The following HOPX variants were observed in gnomAD, a reference collection of about 807,000 sequenced individuals.
The protein encoded by HOPX is HOP homeobox.
A neutral mutation model predicts 11.8 loss-of-function variants in HOPX; 5 were observed. The ratio of observed to expected loss-of-function variants is 0.43; its 90% confidence interval spans 0.22 to 0.89. HOPX has a LOEUF of 0.89. Ranked by LOEUF, HOPX falls within the 40% of genes least tolerant of loss-of-function variation. The pLI, the probability that HOPX is intolerant of heterozygous loss-of-function variation, is 0.28. For missense variants in HOPX, 119 were observed against 120.0 expected, an observed-to-expected ratio of 0.99 and a Z score of 0.04; for synonymous variants, 49 against 49.7, an observed-to-expected ratio of 0.99 and a Z score of 0.06.
chr4:56,672,006 A>G (rs1436929284), intron 1 of HOPX, among the ~76,000 whole-genome samples: 1 of 152,096 alleles, frequency 6.6e-6, no homozygotes, highest in African/African-American at 2.4e-5. Context: ...TCAACACTAC[A>G]TAAATACAAG....
chr4:56,677,073 G>A (rs1450515943), intron 1 of HOPX, among the ~76,000 whole-genome samples: 1 of 151,802 alleles, frequency 6.6e-6, no homozygotes, highest in African/African-American at 2.4e-5. Flanking sequence ...TGAGAAAGAA[G>A]CAGGTAATAT....
intron 1 of HOPX, 116 bp from the exon 2 acceptor site, chr4:56,658,015 G>A (rs1717875696): frequency 1.2e-6 from 1 of 858,734 alleles, no homozygotes; most frequent in East Asian, 2.7e-5. Flanking sequence ...TTGCCCACGG[G>A]AACCACCCAC....
chr4:56,677,126 A>G lies in HOPX; in HGVS notation c.-84+4129T>C, dbSNP rs1026989644. 4.6e-5 allele frequency among the ~76,000 whole-genome samples: 7 copies of G among 151,868 alleles called. No homozygotes were observed. In the East Asian group the frequency reaches 1.3e-3, roughly 29 times the overall value. ...CAGAATTTCTTGACATTTTGTCTCCATTATAGTAACCTTAAGGTGGCTCTC... is the reference window on the plus strand; with the variant it reads ...CAGAATTTCTTGACATTTTGTCTCCGTTATAGTAACCTTAAGGTGGCTCTC... On this transcript the variant is annotated intron_variant, in intron 1 of 3. Transcript: ENST00000420433.
intron 1 of HOPX, among the ~76,000 whole-genome samples, chr4:56,671,893 C>A (rs1281413319): frequency 6.6e-6 from 1 of 152,050 alleles, no homozygotes; most frequent in African/African-American, 2.4e-5. Flanking sequence ...TTTAGACGTC[C>A]ATTTCATCAT....
chr4:56,661,420 T>C (rs6830271), intron 1 of HOPX, among the ~76,000 whole-genome samples: 30,685 of 152,180 alleles, frequency 0.2, 3,621 homozygotes, highest in Middle Eastern at 0.29. Flanking sequence ...AACACTCTTG[T>C]ATATGCCTTC....
chr4:56,665,805 A>G (rs771189949), intron 1 of HOPX: 1 of 152,108 alleles, frequency 6.6e-6, no homozygotes, highest in Admixed American at 6.6e-5. Context: ...GGAGATGGAT[A>G]TTACTTCCTC....
intron 1 of HOPX, among the ~76,000 whole-genome samples, chr4:56,671,450 A>G: frequency 6.6e-6 from 1 of 152,218 alleles, no homozygotes; most frequent in East Asian, 1.9e-4. Flanking sequence ...TATTATTTTT[A>G]TGGTCCAACT....
At chr4:56,659,231 G>A (rs1717959628) in intron 1 of HOPX, 1 of 152,224 alleles carries the variant, frequency 6.6e-6, no homozygotes, top group South Asian at 2.1e-4. Context: ...CCTGTGGTGA[G>A]CTGGCCAAAA....
At chr4:56,681,348 T>G (rs1483396713), upstream of HOPX, 1 of 985,290 alleles carries the variant, frequency 1.0e-6, no homozygotes, top group Non-Finnish European at 1.2e-6. Flanking sequence ...TGACGCAGGC[T>G]GCTGATAGCA....
At chr4:56,669,333 C>T (rs1017169152) in intron 1 of HOPX, among the ~76,000 whole-genome samples, 3 of 152,154 alleles carry the variant, frequency 2.0e-5, no homozygotes, top group African/African-American at 7.2e-5. Context: ...TTCAACCTGG[C>T]TGTTGAGTTA....
At chr4:56,650,572 C>T (rs1284757361) in intron 3 of HOPX, 1 of 1,218,654 alleles carries the variant, frequency 8.2e-7, no homozygotes, top group African/African-American at 1.5e-5. Flanking sequence ...TTGGGCTCCA[C>T]ATCAATGCTA....
chr4:56,653,833 C>G (rs7673777), intron 3 of HOPX, among the ~76,000 whole-genome samples: 74,392 of 152,070 alleles, frequency 0.49, 18,984 homozygotes, highest in African/African-American at 0.63. Flanking sequence ...ACCTGCTATG[C>G]AGAGGTCTGA....
intron 1 of HOPX, among the ~76,000 whole-genome samples, chr4:56,660,301 A>C (rs1242578100): frequency 1.3e-5 from 2 of 152,228 alleles, no homozygotes. Context: ...ATTACTCTGA[A>C]TACATCCCAA....
Position 56,656,012 on chromosome 4 carries a change from G to C in HOPX, c.43C>G (p.Arg15Gly), listed in dbSNP as rs781472278. The change falls in exon 3 of 4, where the codon CGC becomes GGC. Residue 15 changes from arginine (R) to glycine (G), a missense_variant and splice_region_variant. Transcript: ENST00000420433. ...LGCYRRRLEE[R>G]AGTMSAETAS... The stretch of plus-strand genomic sequence containing the variant: ...GTCTCCGCCGACATGGTCCCTGCGC[G>C]CTGCGGGGCAGGGAGAAGCGGCGGC... 114 of 1,589,724 alleles carry C rather than the reference G, an allele frequency of 7.2e-5. No individual in the cohort carries two copies. Among genetic ancestry groups the C allele is most frequent in the Admixed American group, 5.2e-4 (30 of 57,780 alleles).
chr4:56,655,246 GT>G (rs1228951903), intron 3 of HOPX, among the ~76,000 whole-genome samples: 1 of 151,952 alleles, frequency 6.6e-6, no homozygotes, highest in Non-Finnish European at 1.5e-5. Flanking sequence ...CCAAATCTCC[GT>G]GGCTTCGTGC....
At chr4:56,678,233 G>A (rs1280676887) in intron 1 of HOPX, among the ~76,000 whole-genome samples, 3 of 151,350 alleles carry the variant, frequency 2.0e-5, no homozygotes, top group Admixed American at 6.6e-5. Flanking sequence ...TCCTACTCTC[G>A]GACTTGGTGG....
intron 3 of HOPX, among the ~76,000 whole-genome samples, chr4:56,652,138 A>G (rs1717251156): frequency 6.6e-6 from 1 of 152,056 alleles, no homozygotes; most frequent in Non-Finnish European, 1.5e-5. Context: ...CAATTACAGC[A>G]CCCTTCACTT....
At chr4:56,665,082 A>G (rs1718357201) in intron 1 of HOPX, 1 of 152,156 alleles carries the variant, frequency 6.6e-6, no homozygotes, top group African/African-American at 2.4e-5. Context: ...CAGCCTCCTG[A>G]GTAGGCGGGA....
intron 1 of HOPX, among the ~76,000 whole-genome samples, chr4:56,660,302 T>C (rs1718037927): frequency 6.6e-6 from 1 of 152,202 alleles, no homozygotes. Flanking sequence ...TTACTCTGAA[T>C]ACATCCCAAA....
Sources: allele counts gnomAD v4.1 joint callset (sites outside exome capture counted in the v4.1 genomes callset), GRCh38; gene constraint gnomAD v4.1.1; transcripts MANE v1.5; gene names NCBI Gene and HGNC (gene_info 2026-07-23, HGNC 2026-07-21).